Variants in CYP7B1 observed in about 807,000 individuals in gnomAD.
CYP7B1 encodes cytochrome P450 family 7 subfamily B member 1.
In CYP7B1, 29 loss-of-function variants were observed where a neutral mutation model predicts 42.7. The observed-to-expected ratio is 0.68, with a 90% CI of 0.51 to 0.93. The LOEUF (loss-of-function observed/expected upper bound fraction) is 0.93, where lower values mean the gene tolerates loss of function less well. Among genes scored for constraint, CYP7B1 ranks in the 40% least tolerant of loss-of-function variants. The probability of loss-of-function intolerance (pLI) is 0.00; values close to 1 mark genes in which losing one functional copy is unlikely to be tolerated. For missense variants in CYP7B1, 655 were observed against 600.5 expected, an observed-to-expected ratio of 1.09 and a Z score of -0.95; for synonymous variants, 235 against 218.2, an observed-to-expected ratio of 1.08 and a Z score of -0.68.
chr8:64,602,899 C>A (rs1042583338), intron 5 of CYP7B1, among the ~76,000 whole-genome samples: 4 of 152,236 alleles, frequency 2.6e-5, no homozygotes, highest in East Asian at 1.9e-4. Flanking sequence ...AATGATAAAA[C>A]CTTCCCAAAT....
chr8:64,699,505 C>T (rs2129632397), intron 1 of CYP7B1, among the ~76,000 whole-genome samples: 1 of 152,184 alleles, frequency 6.6e-6, no homozygotes, highest in Non-Finnish European at 1.5e-5. Context: ...AAACCAATGA[C>T]ATTCAAGAGA....
At chr8:64,624,123 T>A (rs1805572131) in intron 2 of CYP7B1, among the ~76,000 whole-genome samples, 1 of 151,592 alleles carries the variant, frequency 6.6e-6, no homozygotes, top group Admixed American at 6.6e-5. Flanking sequence ...TATATATATT[T>A]TTTTTTCTAC....
intron 1 of CYP7B1, among the ~76,000 whole-genome samples, chr8:64,761,090 T>C (rs1257036723): frequency 6.6e-6 from 1 of 152,020 alleles, no homozygotes; most frequent in African/African-American, 2.4e-5. Flanking sequence ...CCAGACACAA[T>C]AAAGCAAGCA....
chr8:64,705,707 T>C (rs1806988986), intron 1 of CYP7B1, among the ~76,000 whole-genome samples: 1 of 152,004 alleles, frequency 6.6e-6, no homozygotes, highest in Non-Finnish European at 1.5e-5. Context: ...TACTGAAGTA[T>C]GTAAAGTGCA....
intron 1 of CYP7B1, among the ~76,000 whole-genome samples, chr8:64,797,598 G>A (rs759129580): frequency 6.6e-6 from 1 of 152,118 alleles, no homozygotes; most frequent in Non-Finnish European, 1.5e-5. Flanking sequence ...GTACAAAGGT[G>A]TCACTTCCCC....
intron 1 of CYP7B1, among the ~76,000 whole-genome samples, chr8:64,774,321 T>C (rs141602968): frequency 2.5e-3 from 381 of 152,310 alleles, no homozygotes; most frequent in African/African-American, 8.8e-3. Flanking sequence ...AGCATGTATA[T>C]AGTAGGTAGC....
At chr8:64,793,569 A>T (rs1804656732) in intron 1 of CYP7B1, among the ~76,000 whole-genome samples, 1 of 152,172 alleles carries the variant, frequency 6.6e-6, no homozygotes, top group African/African-American at 2.4e-5. Context: ...GGACAAAAAC[A>T]TGTTATTAAT....
Position 64,615,727 on chromosome 8 carries a change from C to G in CYP7B1, c.814G>C (p.Glu272Gln), listed in dbSNP as rs777627723. 4 of 1,613,702 alleles carry G rather than the reference C, an allele frequency of 2.5e-6. No individual in the cohort carries two copies. The highest frequency in any genetic ancestry group is 3.4e-6 in the Non-Finnish European group (4 of 1,179,716). ...EVFQSRQDVL[E>Q]KYYVHEDLEI... The stretch of plus-strand genomic sequence containing the variant: ...AGGTCCTCGTGCACATAATATTTCT[C>G]CAGGACATCTTGCCTGCTTTGAAAA... The change falls in exon 3 of 6, where the codon GAG (glutamate) becomes CAG (glutamine). Residue 272 changes from glutamate (E) to glutamine (Q), a missense_variant. Transcript: ENST00000310193.
chr8:64,628,441 T>G (rs1805640305), intron 1 of CYP7B1, among the ~76,000 whole-genome samples: 1 of 151,338 alleles, frequency 6.6e-6, no homozygotes, highest in Admixed American at 6.6e-5. Context: ...AGGCTAGGAG[T>G]TGGAGACCAG....
At chr8:64,714,844 T>A (rs1039566498) in intron 1 of CYP7B1, among the ~76,000 whole-genome samples, 3 of 152,154 alleles carry the variant, frequency 2.0e-5, no homozygotes. Flanking sequence ...TAAGCAAATA[T>A]TTAATCTAAT....
chr8:64,719,800 G>A (rs1281066884), intron 1 of CYP7B1, among the ~76,000 whole-genome samples: 1 of 152,108 alleles, frequency 6.6e-6, no homozygotes, highest in Non-Finnish European at 1.5e-5. Context: ...TTTCTCAAAG[G>A]GTAGAAACTT....
At chr8:64,778,174 A>AATATAT (rs60859854) in intron 1 of CYP7B1, among the ~76,000 whole-genome samples, 6,963 of 133,086 alleles carry the variant, frequency 0.052, 216 homozygotes, top group African/African-American at 0.072. Flanking sequence ...ACTAGTTTGA[A>AATATAT]ATATATATAT....
At chr8:64,708,542 TTTCAG>T (rs1563399867) in intron 1 of CYP7B1, among the ~76,000 whole-genome samples, 1 of 152,156 alleles carries the variant, frequency 6.6e-6, no homozygotes, top group Non-Finnish European at 1.5e-5. Flanking sequence ...AACCTAGGCG[TTTCAG>T]TTTGTTGCTT....
intron 1 of CYP7B1, among the ~76,000 whole-genome samples, chr8:64,748,745 C>T (rs1279353328): frequency 6.6e-6 from 1 of 152,210 alleles, no homozygotes; most frequent in Non-Finnish European, 1.5e-5. Context: ...ACATCTCCTA[C>T]ATCCAAATTT....
chr8:64,685,197 G>A (rs4737198), intron 1 of CYP7B1, among the ~76,000 whole-genome samples: 73,066 of 151,162 alleles, frequency 0.48, 19,065 homozygotes, highest in Non-Finnish European at 0.57. Flanking sequence ...CTGGAGGAGC[G>A]GACGGGCCCC....
At chr8:64,613,361 G>T (rs1468181688) in intron 4 of CYP7B1, among the ~76,000 whole-genome samples, 5 of 152,062 alleles carry the variant, frequency 3.3e-5, no homozygotes, top group African/African-American at 9.7e-5. Context: ...ATTTAAAAAT[G>T]ATTTTTTAAT....
intron 1 of CYP7B1, among the ~76,000 whole-genome samples, chr8:64,726,387 T>C (rs1313470887): frequency 6.6e-6 from 1 of 152,226 alleles, no homozygotes; most frequent in Non-Finnish European, 1.5e-5. Flanking sequence ...TTAGAAAATA[T>C]GCATTGACTA....
At chr8:64,748,686 T>A (rs897558892) in intron 1 of CYP7B1, among the ~76,000 whole-genome samples, 3 of 152,172 alleles carry the variant, frequency 2.0e-5, no homozygotes, top group African/African-American at 7.2e-5. Context: ...CTGTTCTCAG[T>A]CTACACACCC....
chr8:64,612,472 T>C (rs1359466975), intron 4 of CYP7B1, among the ~76,000 whole-genome samples: 1 of 151,960 alleles, frequency 6.6e-6, no homozygotes, highest in Admixed American at 6.6e-5. Flanking sequence ...AAAATAAGAG[T>C]AGAATAGTTT....
Sources: gnomAD v4.1 joint callset for allele counts (sites outside exome capture counted in the v4.1 genomes callset) on GRCh38, gnomAD v4.1.1 for gene constraint, MANE v1.5 for transcripts, NCBI Gene and HGNC (gene_info 2026-07-23, HGNC 2026-07-21) for gene names.